The following C3 variants were observed in gnomAD, a reference collection of about 807,000 sequenced individuals.
The protein encoded by C3 is C3 and PZP-like alpha-2-macroglobulin domain-containing protein 1.
A neutral mutation model predicts 207.9 loss-of-function variants in C3; 97 were observed. That is an observed-to-expected ratio of 0.47 (90% CI 0.40 to 0.55). C3 has a LOEUF of 0.55. C3 is among the 20% of genes least tolerant of loss of function. The pLI, the probability that C3 is intolerant of heterozygous loss-of-function variation, is 0.00. For synonymous variants in C3, 848 were observed against 857.6 expected (o/e 0.99, Z 0.20); for missense variants, 1,684 against 2,171.7 (o/e 0.78, Z 4.46).
intron 17 of C3, among the ~76,000 whole-genome samples, chr19:6,706,823 C>T (rs572163310): frequency 6.8e-6 from 1 of 147,396 alleles, no homozygotes; most frequent in East Asian, 2.0e-4. Context: ...CTCCTCCCCC[C>T]TCAAGGCCTC....
chr19:6,702,926 G>T lies in C3; in HGVS notation c.2246-347C>A, dbSNP rs1967704993. ...GCGCGTGCCTGTGATCCCAGCTACT[G>T]TGGAGGCTGAGGCAGCAGAATCACT... On this transcript the variant is annotated intron_variant, in intron 17 of 40. Transcript: ENST00000245907. The T allele has an allele frequency of 9.0e-6, 3 of 334,792 alleles. No individual in the cohort carries two copies. The Admixed American group carries it at 1.2e-4, about 14-fold the overall frequency. The allele number at this position is 334,792 out of a possible 1,614,324, so 20.7% of individuals were successfully genotyped here.
chr19:6,702,197 GA>G lies in C3; in HGVS notation c.2369del (p.Leu790ProfsTer2). The G allele has an allele frequency of 6.3e-7, 1 of 1,597,200 alleles. No homozygotes were observed. The highest frequency in any genetic ancestry group is 8.6e-7 in the Non-Finnish European group (1 of 1,167,812). On this transcript the variant is annotated frameshift_variant, in exon 19 of 41. Coordinates refer to ENST00000245907, the MANE Select transcript of C3 (RefSeq NM_000064.4). LOFTEE classifies it high-confidence loss of function. ...EPPKNGISTK[L>X]MNIFLKDSIT... ...TGGAGTCTTTCAAAAATATATTCAT[GA>G]GCTTCGTAGAGATTCTGGATGGAGA...
At chr19:6,691,989 A>AACACACACAC (rs57940862) in intron 26 of C3, among the ~76,000 whole-genome samples, 7 of 136,846 alleles carry the variant, frequency 5.1e-5, no homozygotes, top group Admixed American at 1.5e-4. Flanking sequence ...CTCCATCTCA[A>AACACACACAC]ACACACACAC....
At chr19:6,696,356 G>A (rs1282770621) in intron 23 of C3, 23 bp downstream of exon 23, 2 of 1,544,492 alleles carry the variant, frequency 1.3e-6, no homozygotes, top group Non-Finnish European at 1.8e-6. Flanking sequence ...GGACCCATGG[G>A]GTCGGGGTCA....
At chr19:6,710,115 G>A (rs2145426561) in intron 13 of C3, among the ~76,000 whole-genome samples, 1 of 146,566 alleles carries the variant, frequency 6.8e-6, no homozygotes, top group African/African-American at 2.5e-5. Context: ...GAGGGAGAGT[G>A]AGGGGGGAGA....
chr19:6,720,065 AC>A (rs35473940), intron 1 of C3, among the ~76,000 whole-genome samples: 84,781 of 151,324 alleles, frequency 0.56, 23,905 homozygotes, highest in East Asian at 0.66. Flanking sequence ...GTCTCCAAAC[AC>A]CCCCAACCGC....
At chr19:6,715,826 C>T (rs554726620) in intron 4 of C3, among the ~76,000 whole-genome samples, 50 of 152,052 alleles carry the variant, frequency 3.3e-4, no homozygotes, top group African/African-American at 1.0e-3. Flanking sequence ...GGGGTTTCAC[C>T]GTGTTAGCCA....
intron 17 of C3, 67 bp downstream of exon 17, chr19:6,707,009 C>T: frequency 8.3e-7 from 1 of 1,200,148 alleles, no homozygotes; most frequent in Non-Finnish European, 1.2e-6. Context: ...CATCCTCCCT[C>T]CTCAGACAGG....
chr19:6,678,126 C>T (rs1483488367), intron 40 of C3, 26 bp downstream of exon 40: 2 of 1,614,038 alleles, frequency 1.2e-6, no homozygotes, highest in Non-Finnish European at 8.5e-7. Context: ...CGGGCGGTCG[C>T]GCGCACGCGC....
At chr19:6,686,566 CGTGCATCCCAGCTCAGCTCAGGGTT>C in intron 28 of C3, 155 bp downstream of exon 28, 4 of 781,358 alleles carry the variant, frequency 5.1e-6, no homozygotes, top group Non-Finnish European at 8.8e-6. Flanking sequence ...AACTTAGAGC[CGTGCATCCCAGCTCAGCTCAGGGTT>C]ATGCATCCCA....
At position 6,713,259 on chromosome 19, in the gene C3, C is replaced by T. The variant is rs1483767891; in HGVS notation, c.933G>A (p.Val311=). ...VLSRKVLLDG[V]QNPRAEDLVG... is the part of the protein sequence containing the mutation. Reference sequence around the variant, plus strand: ...CCAGGTCTTCTGCTCGGGGGTTCTGCACCCCGTCCAGCAGTACCTTCCGGC... The same window carrying T: ...CCAGGTCTTCTGCTCGGGGGTTCTGTACCCCGTCCAGCAGTACCTTCCGGC... The change falls in exon 9 of 41, where the codon GTG becomes GTA. Residue 311 remains valine (V), a synonymous_variant. Transcript: ENST00000245907. 1 of 1,613,674 alleles carries T rather than the reference C, an allele frequency of 6.2e-7. No homozygotes were observed. Among genetic ancestry groups the T allele is most frequent in the South Asian group, 1.1e-5 (1 of 91,078 alleles).
intron 9 of C3, 32 bp downstream of exon 9, chr19:6,713,157 G>C (rs1484147016): frequency 6.2e-7 from 1 of 1,613,188 alleles, no homozygotes; most frequent in Admixed American, 1.7e-5. Flanking sequence ...CCACTTGGTG[G>C]TCCTGAGCCT....
In C3 at chr19:6,719,500, C is replaced by G; in HGVS notation, c.75-97G>C. On this transcript the variant is annotated intron_variant, in intron 1 of 40. Coordinates refer to ENST00000245907, the MANE Select transcript of C3 (RefSeq NM_000064.4). The surrounding 1 kb of genome is among the most constrained non-coding windows in gnomAD (Gnocchi z 5.4). ...CGCCTGGCAGGCTGTGTGCCCCAGC[C>G]TCTGGTCCTGGAGAGGATCCAGTGA... The G allele has an allele frequency of 8.8e-7, 1 of 1,139,276 alleles. No homozygotes were observed. The highest frequency in any genetic ancestry group is 2.4e-5 in the East Asian group (1 of 41,772). The allele number at this position is 1,139,276 out of a possible 1,614,324, so 70.6% of individuals were successfully genotyped here. A position where few individuals can be genotyped will look rare whatever the true frequency, so the allele number is the denominator to read the frequency against.
intron 35 of C3, among the ~76,000 whole-genome samples, chr19:6,681,133 G>A (rs752142284): frequency 5.9e-5 from 9 of 152,052 alleles, no homozygotes; most frequent in Non-Finnish European, 1.0e-4. Context: ...GCTTATGCCT[G>A]TAATCTCAGC....
intron 9 of C3, 95 bp downstream of exon 9, chr19:6,713,094 C>T: frequency 6.8e-7 from 1 of 1,470,820 alleles, no homozygotes. Flanking sequence ...CTCTGAGCCT[C>T]CCTCCTTAGA....
At chr19:6,715,629 T>G (rs527249244) in intron 4 of C3, among the ~76,000 whole-genome samples, 1 of 138,032 alleles carries the variant, frequency 7.2e-6, no homozygotes, top group African/African-American at 2.8e-5. Flanking sequence ...GTTTTTTTTG[T>G]TTTTTTTTTT....
At chr19:6,709,071 C>T in intron 14 of C3, among the ~76,000 whole-genome samples, 1 of 152,168 alleles carries the variant, frequency 6.6e-6, no homozygotes, top group Non-Finnish European at 1.5e-5. Flanking sequence ...ACCCCATCTC[C>T]ATCTTCGTCC....
At chr19:6,692,800 C>T in intron 26 of C3, 124 bp downstream of exon 26, 1 of 1,246,828 alleles carries the variant, frequency 8.0e-7, no homozygotes, top group Non-Finnish European at 1.2e-6. Context: ...CCCCCACCCC[C>T]CAGCCCAATC....
At chr19:6,691,311 CCA>C (rs1300160166) in intron 26 of C3, among the ~76,000 whole-genome samples, 5 of 152,108 alleles carry the variant, frequency 3.3e-5, no homozygotes, top group Non-Finnish European at 7.4e-5. Flanking sequence ...CCTCGGCCTC[CCA>C]CAGTGCTGGG....
Sources: allele counts gnomAD v4.1 joint callset (sites outside exome capture counted in the v4.1 genomes callset), GRCh38; gene constraint gnomAD v4.1.1; non-coding constraint Gnocchi (gnomAD v3.1); transcripts MANE v1.5; gene names NCBI Gene and HGNC (gene_info 2026-07-23, HGNC 2026-07-21).